Variants in NOS2 observed in about 807,000 individuals in gnomAD.
The protein encoded by NOS2 is nitric oxide synthase 2.
A neutral mutation model predicts 136.0 loss-of-function variants in NOS2; 96 were observed. The observed-to-expected ratio is 0.71, with a 90% CI of 0.60 to 0.84. The LOEUF (loss-of-function observed/expected upper bound fraction) is 0.84. Among genes scored for constraint, NOS2 ranks in the 40% least tolerant of loss-of-function variants. The pLI is 0.00. For missense variants in NOS2, 1,237 were observed against 1,496.9 expected (o/e 0.83, Z 2.87); for synonymous variants, 539 against 587.5 (o/e 0.92, Z 1.20).
Position 27,759,009 on chromosome 17 carries a change from G to C in NOS2, c.3226C>G (p.Pro1076Ala), listed in dbSNP as rs1303489889. The C allele has an allele frequency of 6.2e-7, 1 of 1,612,458 alleles. No homozygotes were observed. The highest frequency in any genetic ancestry group is 1.7e-5 in the Admixed American group (1 of 59,928). ...TCCCCGCAAACATAGAGGTGGCCTG[G>C]CTCCTTGTGGAGCACACGGAGCACC... ...SEVLRVLHKE[P>A]GHLYVCGDVR... The change falls in exon 26 of 27, where the codon CCA becomes GCA. Residue 1076 changes from proline to alanine, a missense_variant. By Grantham distance (27) the Pro-to-Ala change is conservative. Coordinates refer to ENST00000313735, the MANE Select transcript of NOS2 (RefSeq NM_000625.4).
chr17:27,780,995 TC>T (rs775220367), intron 8 of NOS2, 40 bp downstream of exon 8: 3 of 1,605,170 alleles, frequency 1.9e-6, no homozygotes, highest in Non-Finnish European at 2.6e-6. Context: ...ACCACGGGGC[TC>T]CCCGCCCCAA....
intron 14 of NOS2, among the ~76,000 whole-genome samples, chr17:27,771,285 C>T (rs751481128): frequency 6.6e-6 from 1 of 152,228 alleles, no homozygotes; most frequent in Non-Finnish European, 1.5e-5. Context: ...ACTGCCTTTC[C>T]CATGTCTAAA....
At chr17:27,796,603 G>T (rs946604230) in intron 2 of NOS2, among the ~76,000 whole-genome samples, 1 of 152,194 alleles carries the variant, frequency 6.6e-6, no homozygotes, top group Non-Finnish European at 1.5e-5. Context: ...TCTCCATTTG[G>T]GTAGGGTGCT....
chr17:27,780,065 A>T (rs1301720732), intron 9 of NOS2, among the ~76,000 whole-genome samples: 1 of 152,222 alleles, frequency 6.6e-6, no homozygotes, highest in East Asian at 1.9e-4. Context: ...AAACAAGATG[A>T]TGTGTTAGAC....
chr17:27,766,703 G>A, intron 18 of NOS2, 115 bp from the exon 19 acceptor site: 1 of 781,590 alleles, frequency 1.3e-6, no homozygotes, highest in Non-Finnish European at 2.3e-6. Context: ...GCATCCTGCT[G>A]AGGTGGCCGT....
Position 27,796,615 on chromosome 17 carries a change from G to A in NOS2, c.110+2085C>T, listed in dbSNP as rs118054171. 3.4e-4 allele frequency among the ~76,000 whole-genome samples: 52 copies of A among 152,260 alleles called. No individual in the cohort carries two copies. The East Asian group carries it at 6.0e-3, about 18-fold the overall frequency. The stretch of plus-strand genomic sequence containing the variant: ...GGCTCTCCATTTGGGTAGGGTGCTC[G>A]CTCAGAACTCTGTGGAAGCTTTAAT... On this transcript the variant is annotated intron_variant, in intron 2 of 26. Coordinates refer to ENST00000313735, the MANE Select transcript of NOS2 (RefSeq NM_000625.4).
At position 27,772,317 on chromosome 17, in the gene NOS2, G is replaced by C. The variant is rs531708405; in HGVS notation, c.1695C>G (p.Phe565Leu). The change falls in exon 14 of 27, where the codon TTC becomes TTG. Residue 565 changes from phenylalanine to leucine, a missense_variant. Physicochemically the swap from Phe to Leu is conservative, Grantham distance 22. Transcript: ENST00000313735. ...CCCACTGAGCCAGTACCTTGGGGTT[G>C]AAGGCACAGCTGAATAAGGCCCCCA... is the stretch of plus-strand genomic sequence containing the variant. ...WDLGALFSCA[F>L]NPKVVCMDKY... 6.2e-7 allele frequency: 1 copy of C among 1,614,162 alleles called. No individual in the cohort carries two copies. The highest frequency in any genetic ancestry group is 8.5e-7 in the Non-Finnish European group (1 of 1,180,034).
chr17:27,792,268 C>CTG (rs28998824), intron 2 of NOS2, among the ~76,000 whole-genome samples: 76 of 151,290 alleles, frequency 5.0e-4, no homozygotes, highest in East Asian at 4.3e-3. Context: ...CTGATGCTGG[C>CTG]TGTGTGTGTG....
rs772204530 is a variant in NOS2, at chr17:27,764,115, G to A, written c.2458C>T (p.Pro820Ser). Residue 820 changes from proline to serine, a missense_variant, in exon 21 of 27, where the codon CCC becomes TCC. Coordinates refer to ENST00000313735, the MANE Select transcript of NOS2 (RefSeq NM_000625.4). ...AGGGCCTGGCTGAGTGAGCAGGGGG[G>A]CAGCCTCTTGTCACTGACCCAGTAG... Reference protein sequence around the residue: ...GSYWVSDKRLPPCSLSQALTY... With the variant: ...GSYWVSDKRLSPCSLSQALTY... 7 of 1,581,992 alleles carry A rather than the reference G, an allele frequency of 4.4e-6. No homozygotes were observed. In the Admixed American group the frequency reaches 9.1e-5, roughly 21 times the overall value.
Position 27,788,828 on chromosome 17 carries a change from A to C in NOS2, c.299T>G (p.Leu100Arg), listed in dbSNP as rs747067103. 6.2e-7 allele frequency: 1 copy of C among 1,614,148 alleles called. No individual in the cohort carries two copies. Among genetic ancestry groups the C allele is most frequent in the South Asian group, 1.1e-5 (1 of 91,066 alleles). Residue 100 changes from leucine to arginine, a missense_variant, in exon 4 of 27, where the codon CTT (leucine) becomes CGT (arginine). Leu to Arg is a moderately radical substitution (Grantham distance 102). Coordinates refer to ENST00000313735, the MANE Select transcript of NOS2 (RefSeq NM_000625.4). ...ACTTACCCCTTTGGCCTTATGGTGA[A>C]GTGTGTCTTGGAAAGTCATCCCGCT... ...WGSGMTFQDT[L>R]HHKAKGILTC...
chr17:27,786,685 G>A (rs927106641), intron 5 of NOS2, among the ~76,000 whole-genome samples: 9 of 151,932 alleles, frequency 5.9e-5, no homozygotes, highest in Non-Finnish European at 1.3e-4. Context: ...ATAAACTCCC[G>A]CCAACTACCC....
At chr17:27,792,946 C>T (rs529561812) in intron 2 of NOS2, among the ~76,000 whole-genome samples, 3 of 151,852 alleles carry the variant, frequency 2.0e-5, no homozygotes, top group Admixed American at 6.6e-5. Flanking sequence ...ACCGAGACGG[C>T]GCCACTGTCG....
At chr17:27,779,801 C>T (rs1257112053) in intron 9 of NOS2, among the ~76,000 whole-genome samples, 1 of 152,176 alleles carries the variant, frequency 6.6e-6, no homozygotes, top group Non-Finnish European at 1.5e-5. Flanking sequence ...CTCTGAGCCT[C>T]AACATCCCCA....
chr17:27,766,636 T>C (rs759755938), intron 18 of NOS2, 48 bp from the exon 19 acceptor site: 4 of 1,488,038 alleles, frequency 2.7e-6, no homozygotes, highest in Non-Finnish European at 3.8e-6. Flanking sequence ...TTCTTGAGCG[T>C]AGGTAGGGGA....
rs755438491 is a variant in NOS2, at chr17:27,766,390, G to T, written c.2246+120C>A. On this transcript the variant is annotated intron_variant, in intron 19 of 26. Coordinates refer to ENST00000313735, the MANE Select transcript of NOS2 (RefSeq NM_000625.4). ...GTGGGCCGGTCCTACCGACAGTGTG[G>T]CTGCTAATGCCAGCATATGCTCTTC... 1.5e-4 allele frequency: 139 copies of T among 903,326 alleles called. 1 individual carries two copies. Among genetic ancestry groups the T allele is most frequent in the South Asian group, 5.2e-4 (37 of 70,690 alleles). 56.0% of individuals were successfully genotyped at this position (903,326 alleles called of 1,614,324 possible).
At chr17:27,794,718 A>G (rs868783467) in intron 2 of NOS2, among the ~76,000 whole-genome samples, 206 of 135,954 alleles carry the variant, frequency 1.5e-3, no homozygotes, top group Admixed American at 6.2e-3. Context: ...ACACGCGCAC[A>G]CACACACACA....
intron 1 of NOS2, among the ~76,000 whole-genome samples, chr17:27,799,669 C>A (rs747270754): frequency 6.6e-6 from 1 of 152,030 alleles, no homozygotes; most frequent in Non-Finnish European, 1.5e-5. Context: ...CATAGGGAGA[C>A]CTTGACTACA....
intron 15 of NOS2, 112 bp from the exon 16 acceptor site, chr17:27,769,696 CACGGAAGTTGGTTT>C (rs1278860257): frequency 2.2e-6 from 2 of 927,360 alleles, no homozygotes; most frequent in Non-Finnish European, 3.5e-6. Context: ...CACAGCCCAC[CACGGAAGTTGGTTT>C]ACATATGGGG....
At chr17:27,768,431 G>A (rs1365918071) in intron 17 of NOS2, among the ~76,000 whole-genome samples, 2 of 152,148 alleles carry the variant, frequency 1.3e-5, no homozygotes, top group Non-Finnish European at 2.9e-5. Context: ...TTATGTTCCT[G>A]GTGTGGAGCC....
Sources: allele counts gnomAD v4.1 joint callset (sites outside exome capture counted in the v4.1 genomes callset), GRCh38; gene constraint gnomAD v4.1.1; transcripts MANE v1.5; gene names NCBI Gene and HGNC (gene_info 2026-07-23, HGNC 2026-07-21).